ZDHHC7: variants seen among roughly 807,000 people sequenced by gnomAD.
The protein encoded by ZDHHC7 is palmitoyltransferase ZDHHC7.
ZDHHC7 carries 12 observed loss-of-function variants against 34.1 expected under a neutral mutation model. That is an observed-to-expected ratio of 0.35 (90% CI 0.23 to 0.57). The LOEUF (loss-of-function observed/expected upper bound fraction) is 0.57, where lower values mean the gene tolerates loss of function less well. ZDHHC7 is among the 20% of genes least tolerant of loss of function. The pLI, the probability that ZDHHC7 is intolerant of heterozygous loss-of-function variation, is 0.84. For missense variants in ZDHHC7, 388 were observed against 402.7 expected, an observed-to-expected ratio of 0.96 and a Z score of 0.31; for synonymous variants, 185 against 155.4, an observed-to-expected ratio of 1.19 and a Z score of -1.42.
At chr16:84,990,686 T>G (rs2072498532) in intron 2 of ZDHHC7, 51 bp from the exon 3 acceptor site, 1 of 1,472,320 alleles carries the variant, frequency 6.8e-7, no homozygotes, top group East Asian at 2.3e-5. Flanking sequence ...GCTCACAAGC[T>G]ACCTTAAATA....
intron 3 of ZDHHC7, 155 bp from the exon 4 acceptor site, chr16:84,982,149 G>A: frequency 2.3e-6 from 2 of 880,546 alleles, no homozygotes; most frequent in Non-Finnish European, 3.4e-6. Context: ...GGCCAACCCA[G>A]CCTGGTCAAC....
chr16:84,994,575 G>A (rs3892393), intron 2 of ZDHHC7, among the ~76,000 whole-genome samples: 22,975 of 152,164 alleles, frequency 0.15, 2,232 homozygotes, highest in East Asian at 0.33. Flanking sequence ...GCTCAGCTCC[G>A]CCTTCCTGGT....
intron 1 of ZDHHC7, among the ~76,000 whole-genome samples, chr16:85,003,459 G>C (rs933643439): frequency 3.3e-5 from 5 of 152,200 alleles, no homozygotes; most frequent in African/African-American, 1.2e-4. Context: ...TGGCGACTGC[G>C]CTCCTAAGTG....
chr16:85,019,878 G>A, the ZDHHC7 span, among the ~76,000 whole-genome samples: 2 of 152,308 alleles, frequency 1.3e-5, no homozygotes, highest in Admixed American at 6.5e-5. Flanking sequence ...TGGAGAGCCA[G>A]GATGCCGCCC....
At chr16:85,001,918 C>CA (rs35894736) in intron 1 of ZDHHC7, among the ~76,000 whole-genome samples, 47 of 148,586 alleles carry the variant, frequency 3.2e-4, no homozygotes, top group Admixed American at 1.1e-3. Context: ...AGGACTGAGG[C>CA]AAAAAAAATA....
At chr16:85,021,248 C>T in the ZDHHC7 span, among the ~76,000 whole-genome samples, 1 of 151,760 alleles carries the variant, frequency 6.6e-6, no homozygotes, top group Non-Finnish European at 1.5e-5. Flanking sequence ...CTTGTCTGTA[C>T]TAAAAATACA....
intron 2 of ZDHHC7, among the ~76,000 whole-genome samples, chr16:84,995,305 T>G (rs2072562186): frequency 6.6e-6 from 1 of 152,210 alleles, no homozygotes; most frequent in Non-Finnish European, 1.5e-5. Context: ...ATCTCCATAT[T>G]TAAAGGGACA....
Position 84,981,757 on chromosome 16 carries a change from C to G in ZDHHC7, c.440+113G>C, listed in dbSNP as rs1316707087. 7.6e-6 allele frequency: 12 copies of G among 1,580,228 alleles called. No individual in the cohort carries two copies. In the Admixed American group the frequency reaches 2.1e-4, roughly 27 times the overall value. On this transcript the variant is annotated intron_variant, in intron 4 of 7. Coordinates refer to ENST00000313732, the MANE Select transcript of ZDHHC7 (RefSeq NM_017740.3). ...TACGGCCCCGCCCGTACAACGTTGCCCAGATGCTCGGGGGCCATGTACCTA... is the reference window on the plus strand; with the variant it reads ...TACGGCCCCGCCCGTACAACGTTGCGCAGATGCTCGGGGGCCATGTACCTA...
chr16:84,984,722 C>T (rs530344394), intron 3 of ZDHHC7, among the ~76,000 whole-genome samples: 2 of 152,216 alleles, frequency 1.3e-5, no homozygotes, highest in Non-Finnish European at 2.9e-5. Context: ...GAACCTTGGG[C>T]AGACAATCAG....
At chr16:85,006,219 C>T (rs1304787875) in intron 1 of ZDHHC7, among the ~76,000 whole-genome samples, 4 of 151,850 alleles carry the variant, frequency 2.6e-5, no homozygotes, top group Non-Finnish European at 5.9e-5. Flanking sequence ...ATTAGCTGGG[C>T]GCAGTGGTAC....
chr16:85,009,462 C>A (rs2072759984), intron 1 of ZDHHC7, among the ~76,000 whole-genome samples: 1 of 151,470 alleles, frequency 6.6e-6, no homozygotes, highest in South Asian at 2.1e-4. Flanking sequence ...ATTCATTAAT[C>A]TGTCAACTGA....
intron 7 of ZDHHC7, 147 bp from the exon 8 acceptor site, chr16:84,976,666 C>T (rs1027139005): frequency 6.3e-5 from 76 of 1,201,340 alleles, no homozygotes; most frequent in South Asian, 1.0e-4. Context: ...TGCCCCGATC[C>T]AGACCCCGTG....
At chr16:84,992,045 G>A (rs958698419) in intron 2 of ZDHHC7, among the ~76,000 whole-genome samples, 69 of 151,700 alleles carry the variant, frequency 4.5e-4, no homozygotes, top group African/African-American at 1.4e-3. Context: ...GCATGGTGGC[G>A]TGCGCCTGTA....
chr16:84,976,965 T>C, intron 7 of ZDHHC7, 130 bp downstream of exon 7: 1 of 1,307,234 alleles, frequency 7.6e-7, no homozygotes, highest in Non-Finnish European at 1.1e-6. Context: ...GGGAGCTGGT[T>C]GCAGCTCATC....
intron 1 of ZDHHC7, among the ~76,000 whole-genome samples, chr16:84,997,972 G>A (rs998730897): frequency 6.8e-6 from 1 of 147,924 alleles, no homozygotes; most frequent in Non-Finnish European, 1.5e-5. Context: ...ACTGAGAAGA[G>A]AATGTAAAAT....
At chr16:85,013,077 C>G (rs932849194), upstream of ZDHHC7, among the ~76,000 whole-genome samples, 1 of 152,088 alleles carries the variant, frequency 6.6e-6, no homozygotes, top group Non-Finnish European at 1.5e-5. Flanking sequence ...ACTGGACATT[C>G]TAGACTCTTC....
At chr16:84,978,204 T>G (rs1461828171) in intron 5 of ZDHHC7, 199 bp from the exon 6 acceptor site, 1 of 465,400 alleles carries the variant, frequency 2.1e-6, no homozygotes, top group Admixed American at 3.9e-5. Context: ...CTAACTGTTT[T>G]GCATTTTTAG....
chr16:85,006,006 C>T (rs750229904), intron 1 of ZDHHC7, among the ~76,000 whole-genome samples: 11 of 152,176 alleles, frequency 7.2e-5, no homozygotes, highest in Non-Finnish European at 1.5e-5. Context: ...CTCTGCAGAA[C>T]GCTAACTTCA....
At chr16:85,019,102 C>T in the ZDHHC7 span, among the ~76,000 whole-genome samples, 2 of 152,232 alleles carry the variant, frequency 1.3e-5, no homozygotes, top group South Asian at 2.1e-4. Flanking sequence ...CGTCCATGCT[C>T]ATTCTCTCGT....
Sources: gnomAD v4.1 joint callset for allele counts (sites outside exome capture counted in the v4.1 genomes callset) on GRCh38, gnomAD v4.1.1 for gene constraint, MANE v1.5 for transcripts, NCBI Gene and HGNC (gene_info 2026-07-23, HGNC 2026-07-21) for gene names.